The following CCDC171 variants were observed in gnomAD, a reference collection of about 807,000 sequenced individuals.
The protein encoded by CCDC171 is coiled-coil domain containing 171.
In CCDC171, 177 loss-of-function variants were observed where a neutral mutation model predicts 168.2. The observed-to-expected ratio is 1.05, with a 90% CI of 0.93 to 1.19. CCDC171 has a LOEUF of 1.19. Ranked by LOEUF, CCDC171 falls within the 50% of genes most tolerant of loss-of-function variation. The pLI is 0.00. For missense variants in CCDC171, 1,991 were observed against 1,539.0 expected, an observed-to-expected ratio of 1.29 and a Z score of -4.91; for synonymous variants, 687 against 540.8, an observed-to-expected ratio of 1.27 and a Z score of -3.75.
At chr9:15,631,023 T>C (rs1156618928) in intron 7 of CCDC171, among the ~76,000 whole-genome samples, 2 of 149,788 alleles carry the variant, frequency 1.3e-5, no homozygotes, top group Non-Finnish European at 3.0e-5. Context: ...TTCAAAGCAG[T>C]GTGTAGAGGG....
intron 2 of CCDC171, among the ~76,000 whole-genome samples, chr9:15,568,903 A>G (rs552700176): frequency 4.6e-5 from 7 of 152,298 alleles, no homozygotes; most frequent in African/African-American, 1.7e-4. Flanking sequence ...AAGTTTAATT[A>G]GATCCCATTG....
At position 15,865,341 on chromosome 9, in the gene CCDC171, A is replaced by G. The variant is rs1259921237; in HGVS notation, c.3469-9191A>G. Among the ~76,000 whole-genome samples, 4 of 151,412 alleles carry G rather than the reference A, an allele frequency of 2.6e-5. No homozygotes were observed. In the East Asian group the frequency reaches 7.8e-4, roughly 30 times the overall value. ...GAAACAAATATACATACATACATAC[A>G]TATATATACACACACACATATATAT... On this transcript the variant is annotated intron_variant, in intron 23 of 25. Transcript: ENST00000380701.
In CCDC171 at chr9:15,815,298, G is replaced by A. The variant is rs991547623; in HGVS notation, c.3267+30604G>A. The stretch of plus-strand genomic sequence containing the variant: ...TCCCATGTCTCATTTTTAATAGAAT[G>A]TGAACTCTGTGCTTTATTGTTCTCC... On this transcript the variant is annotated intron_variant, in intron 21 of 25. Transcript: ENST00000380701. Among the ~76,000 whole-genome samples, 9 of 151,780 alleles carry A rather than the reference G, an allele frequency of 5.9e-5. 1 individual carries two copies. Among genetic ancestry groups the A allele is most frequent in the African/African-American group, 2.2e-4 (9 of 41,254 alleles).
the CCDC171 span, among the ~76,000 whole-genome samples, chr9:16,068,658 C>T: frequency 1.3e-5 from 2 of 151,916 alleles, no homozygotes; most frequent in South Asian, 4.2e-4. Context: ...GAGAAGCAAA[C>T]GAGTGAATCT....
At chr9:15,702,585 G>A (rs1791768894) in intron 11 of CCDC171, among the ~76,000 whole-genome samples, 2 of 152,066 alleles carry the variant, frequency 1.3e-5, no homozygotes, top group South Asian at 4.1e-4. Flanking sequence ...TGTCTTTGAA[G>A]CCTTAAAGCC....
chr9:15,693,221 CAT>C (rs1214225017), intron 10 of CCDC171, among the ~76,000 whole-genome samples: 21 of 151,880 alleles, frequency 1.4e-4, no homozygotes, highest in African/African-American at 3.1e-4. Context: ...CACAGACACA[CAT>C]GCACACACAC....
At chr9:15,653,926 A>G (rs1278028389) in intron 7 of CCDC171, among the ~76,000 whole-genome samples, 1 of 152,198 alleles carries the variant, frequency 6.6e-6, no homozygotes, top group East Asian at 1.9e-4. Flanking sequence ...GTTTAAAAAA[A>G]TTCTAATCAT....
chr9:15,954,488 G>A (rs1829567546), intron 25 of CCDC171, among the ~76,000 whole-genome samples: 2 of 151,854 alleles, frequency 1.3e-5, no homozygotes, highest in African/African-American at 2.4e-5. Flanking sequence ...GAACTTTACA[G>A]TTTTACTTCT....
In CCDC171 at chr9:15,821,772, A is replaced by G. The variant is rs1362483583; in HGVS notation, c.3268-24930A>G. Among the ~76,000 whole-genome samples, 2 of 116,778 alleles carry G rather than the reference A, an allele frequency of 1.7e-5. 1 individual carries two copies. Among genetic ancestry groups the G allele is most frequent in the African/African-American group, 6.5e-5 (2 of 30,750 alleles). 76.6% of individuals were successfully genotyped at this position (116,778 alleles called of 152,430 possible). The stretch of plus-strand genomic sequence containing the variant: ...GGCCATACTGCCCAAGGTAATTTAT[A>G]CATTCAATGCCATCCCCATCAAGCT... On this transcript the variant is annotated intron_variant, in intron 21 of 25. Coordinates refer to ENST00000380701, the MANE Select transcript of CCDC171 (RefSeq NM_173550.4).
chr9:15,651,849 T>C (rs2047550720), intron 7 of CCDC171, among the ~76,000 whole-genome samples: 1 of 151,148 alleles, frequency 6.6e-6, no homozygotes, highest in Non-Finnish European at 1.5e-5. Flanking sequence ...TGTTTGTTTG[T>C]TTATTTATGC....
At position 15,764,598 on chromosome 9, in the gene CCDC171, TAGGA is replaced by T. The variant is rs1396547213; in HGVS notation, c.2672-12999_2672-12996del. ...ATGGGGAGATTAGAGAAGGAACAAG[TAGGA>T]AGAGAAAATCAAGAGTTTTTTTGAC... is the stretch of plus-strand genomic sequence containing the variant. On this transcript the variant is annotated intron_variant, in intron 18 of 25. Coordinates refer to ENST00000380701, the MANE Select transcript of CCDC171 (RefSeq NM_173550.4). Among the ~76,000 whole-genome samples the T allele has an allele frequency of 3.9e-5, 6 of 152,076 alleles. No homozygotes were observed. The South Asian group carries it at 1.0e-3, about 26-fold the overall frequency.
intron 25 of CCDC171, among the ~76,000 whole-genome samples, chr9:15,947,180 T>G (rs1279721614): frequency 6.6e-6 from 1 of 151,960 alleles, no homozygotes; most frequent in Non-Finnish European, 1.5e-5. Flanking sequence ...CTACATATAT[T>G]TATTAGAAAA....
At chr9:15,856,213 TG>T (rs1318443306) in intron 23 of CCDC171, among the ~76,000 whole-genome samples, 1 of 151,992 alleles carries the variant, frequency 6.6e-6, no homozygotes, top group East Asian at 1.9e-4. Context: ...AGCCTCTTAA[TG>T]GATTTTTCGT....
chr9:15,802,647 C>T (rs2058882429), intron 21 of CCDC171, among the ~76,000 whole-genome samples: 1 of 152,098 alleles, frequency 6.6e-6, no homozygotes, highest in Non-Finnish European at 1.5e-5. Context: ...TTTCTTTATC[C>T]AGTCTATCAC....
intron 21 of CCDC171, among the ~76,000 whole-genome samples, chr9:15,799,575 A>C (rs549561814): frequency 1.4e-4 from 22 of 152,152 alleles, no homozygotes; most frequent in African/African-American, 5.3e-4. Context: ...CATCATGGTA[A>C]ATGGGGTATC....
At chr9:16,046,508 T>G (rs963320415) in intron 1 of CCDC171, among the ~76,000 whole-genome samples, 3 of 152,212 alleles carry the variant, frequency 2.0e-5, no homozygotes, top group Non-Finnish European at 4.4e-5. Context: ...AACTAGACCT[T>G]GACATTTGAC....
intron 25 of CCDC171, among the ~76,000 whole-genome samples, chr9:15,953,651 C>T (rs1199184672): frequency 6.6e-6 from 1 of 152,026 alleles, no homozygotes; most frequent in Non-Finnish European, 1.5e-5. Context: ...TCTTGTGATA[C>T]ATTTGTCTGG....
intron 2 of CCDC171, 120 bp downstream of exon 2, chr9:15,564,249 T>A: frequency 1.5e-6 from 1 of 677,086 alleles, no homozygotes; most frequent in Non-Finnish European, 2.5e-6. Context: ...GGAGTAGAAA[T>A]TCTGTGGGAC....
intron 21 of CCDC171, among the ~76,000 whole-genome samples, chr9:15,838,979 TA>T (rs2060564174): frequency 6.6e-6 from 1 of 152,142 alleles, no homozygotes; most frequent in Non-Finnish European, 1.5e-5. Flanking sequence ...TGCCAACTTA[TA>T]AAGGAAAGGT....
Sources: allele counts gnomAD v4.1 joint callset (sites outside exome capture counted in the v4.1 genomes callset), GRCh38; gene constraint gnomAD v4.1.1; transcripts MANE v1.5; gene names NCBI Gene and HGNC (gene_info 2026-07-23, HGNC 2026-07-21).